Variants in CEP295 observed in about 807,000 individuals in gnomAD.
The protein encoded by CEP295 is centrosomal protein of 295 kDa.
CEP295 carries 190 observed loss-of-function variants against 291.6 expected under a neutral mutation model. The observed-to-expected ratio is 0.65, with a 90% CI of 0.58 to 0.73. CEP295 has a LOEUF of 0.73. CEP295 is among the 30% of genes least tolerant of loss of function. The probability of loss-of-function intolerance (pLI) is 0.00; values close to 1 mark genes in which losing one functional copy is unlikely to be tolerated. For missense variants in CEP295, 2,863 were observed against 2,949.4 expected (o/e 0.97, Z 0.68); for synonymous variants, 993 against 1,038.8 (o/e 0.96, Z 0.85).
intron 1 of CEP295, among the ~76,000 whole-genome samples, chr11:93,662,044 C>T (rs1331874889): frequency 6.6e-6 from 1 of 152,208 alleles, no homozygotes; most frequent in East Asian, 1.9e-4. Context: ...GAGCTTCCCA[C>T]GCAGCCTCCC....
At chr11:93,662,760 A>G (rs1950045110) in intron 1 of CEP295, among the ~76,000 whole-genome samples, 1 of 152,232 alleles carries the variant, frequency 6.6e-6, no homozygotes, top group African/African-American at 2.4e-5. Flanking sequence ...GGGCAAAAGT[A>G]TGATGAAAAG....
chr11:93,686,319 T>TAAA (rs57239341), intron 9 of CEP295, among the ~76,000 whole-genome samples: 1 of 146,414 alleles, frequency 6.8e-6, no homozygotes. Context: ...AACTCCATCT[T>TAAA]AAAAAAAAAA....
chr11:93,729,407 T>C, intron 25 of CEP295, 27 bp from the exon 26 acceptor site: 1 of 1,477,946 alleles, frequency 6.8e-7, no homozygotes, highest in Non-Finnish European at 9.3e-7. Context: ...TTAAAAAGAG[T>C]AAAACATGCA....
chr11:93,723,343 C>G, intron 21 of CEP295, 54 bp downstream of exon 21: 1 of 1,285,444 alleles, frequency 7.8e-7, no homozygotes. Flanking sequence ...AAATTTTCAC[C>G]TTTCATCATT....
chr11:93,675,671 T>C lies in CEP295; in HGVS notation c.624+5T>C, dbSNP rs1466040856. The C allele has an allele frequency of 4.5e-6, 6 of 1,331,500 alleles. No individual in the cohort carries two copies. In the East Asian group the frequency reaches 1.4e-4, roughly 30 times the overall value. The allele number at this position is 1,331,500 out of a possible 1,614,324, so 82.5% of individuals were successfully genotyped here. ...AGAGAGACAGACACAAAACGGGTGA[T>C]TGACTTATTGTTTCTTCATGCCCTC... On this transcript the variant is annotated splice_donor_5th_base_variant and intron_variant, in intron 6 of 29. Coordinates refer to ENST00000325212, the MANE Select transcript of CEP295 (RefSeq NM_033395.2).
chr11:93,681,635 C>T (rs988683939), intron 7 of CEP295, among the ~76,000 whole-genome samples: 2 of 151,380 alleles, frequency 1.3e-5, no homozygotes, highest in African/African-American at 4.9e-5. Flanking sequence ...AGGATAGTCT[C>T]GATCTCCTGA....
At chr11:93,704,853 C>T (rs1485471254) in intron 17 of CEP295, among the ~76,000 whole-genome samples, 1 of 152,092 alleles carries the variant, frequency 6.6e-6, no homozygotes, top group Non-Finnish European at 1.5e-5. Context: ...CCTTTAATAC[C>T]ACTCACTAGA....
At chr11:93,714,905 C>A (rs940328397) in intron 18 of CEP295, among the ~76,000 whole-genome samples, 32 of 152,178 alleles carry the variant, frequency 2.1e-4, no homozygotes, top group African/African-American at 7.5e-4. Context: ...GACACAAGCA[C>A]CCCTGTGGCC....
intron 6 of CEP295, 46 bp downstream of exon 6, chr11:93,675,712 T>C (rs1950654887): frequency 1.0e-6 from 1 of 989,526 alleles, no homozygotes; most frequent in East Asian, 2.9e-5. Flanking sequence ...ATTATTTCTG[T>C]GTGCATTGAA....
chr11:93,705,188 A>G (rs998722941), intron 17 of CEP295, among the ~76,000 whole-genome samples: 2 of 152,132 alleles, frequency 1.3e-5, no homozygotes, highest in Admixed American at 1.3e-4. Context: ...TGGAAGTTGT[A>G]TGGGCCGTGC....
At chr11:93,694,522 A>C (rs1462295259) in intron 12 of CEP295, among the ~76,000 whole-genome samples, 1 of 152,200 alleles carries the variant, frequency 6.6e-6, no homozygotes, top group African/African-American at 2.4e-5. Flanking sequence ...TGACATATCA[A>C]AATTGCCAGC....
Position 93,702,471 on chromosome 11 carries a change from C to G in CEP295, c.5286C>G (p.Pro1762=). 1.3e-6 allele frequency: 2 copies of G among 1,532,484 alleles called. No homozygotes were observed. Among genetic ancestry groups the G allele is most frequent in the South Asian group, 1.3e-5 (1 of 79,818 alleles). The allele number at this position is 1,532,484 out of a possible 1,614,324, so 94.9% of individuals were successfully genotyped here. The change falls in exon 16 of 30, where the codon CCC becomes CCG. Residue 1762 remains proline, a synonymous_variant. Transcript: ENST00000325212. Reference sequence around the variant, plus strand: ...CTCCACTTTTTCAGATAAGTAAGCCCACAGTTGAAAATGATTTAAAAACCC... The same window carrying G: ...CTCCACTTTTTCAGATAAGTAAGCCGACAGTTGAAAATGATTTAAAAACCC... ...DFFKDSQISK[P]TVENDLKTQK...
chr11:93,707,964 C>A (rs1952630067), intron 18 of CEP295, among the ~76,000 whole-genome samples: 1 of 152,022 alleles, frequency 6.6e-6, no homozygotes, highest in Admixed American at 6.6e-5. Context: ...ATTAAAATAA[C>A]TGTAAAGGAT....
intron 22 of CEP295, 86 bp from the exon 23 acceptor site, chr11:93,725,565 A>G (rs1056347244): frequency 1.9e-6 from 2 of 1,073,454 alleles, no homozygotes; most frequent in Non-Finnish European, 1.3e-6. Flanking sequence ...ATTAAGGAAG[A>G]GTAATACCAA....
Position 93,699,508 on chromosome 11 carries a change from A to G in CEP295, c.4596A>G (p.Gln1532=). 1 of 1,551,810 alleles carries G rather than the reference A, an allele frequency of 6.4e-7. No homozygotes were observed. Among genetic ancestry groups the G allele is most frequent in the South Asian group, 1.2e-5 (1 of 84,052 alleles). Residue 1532 remains glutamine (Q), a synonymous_variant, in exon 15 of 30, where the codon CAA becomes CAG. Coordinates refer to ENST00000325212, the MANE Select transcript of CEP295 (RefSeq NM_033395.2). ...AAGTCCAAGAAGAATTGCTTTTGCA[A>G]AGATTAAGTGAATTGGAGAAAAGGG... The part of the protein sequence containing the change: ...IQEVQEELLL[Q]RLSELEKRVS...
chr11:93,722,782 G>T, intron 20 of CEP295: 1 of 302,862 alleles, frequency 3.3e-6, no homozygotes. Context: ...CTTTTGAGAT[G>T]GAGTCTTGCT....
Position 93,696,415 on chromosome 11 carries a change from C to T in CEP295, c.1767C>T (p.Asn589=), listed in dbSNP as rs769342554. The part of the protein sequence containing the change: ...RNYQHQLLQQ[N]RLHRQSVETA... ...ATCAACATCAGCTTTTACAACAAAA[C>T]AGGTATTAGCTAGGGTATAATTTAT... is the stretch of plus-strand genomic sequence containing the variant. The change falls in exon 14 of 30, where the codon AAC becomes AAT. Residue 589 remains asparagine (N), a splice_region_variant and synonymous_variant. Transcript: ENST00000325212. 14 of 1,507,888 alleles carry T rather than the reference C, an allele frequency of 9.3e-6. No individual in the cohort carries two copies. The African/African-American group carries it at 1.5e-4, about 16-fold the overall frequency. The allele number at this position is 1,507,888 out of a possible 1,614,324, so 93.4% of individuals were successfully genotyped here.
chr11:93,669,737 A>G lies in CEP295; in HGVS notation c.495A>G (p.Thr165=). 6.4e-7 allele frequency: 1 copy of G among 1,550,768 alleles called. No individual in the cohort carries two copies. Among genetic ancestry groups the G allele is most frequent in the South Asian group, 1.2e-5 (1 of 83,998 alleles). ...AAAAAGAGAGATCAGCCAAAATTAC[A>G]AGTCTGCCACCTCCTCCTCCAACTC... ...LVEKERSAKI[T]SLPPPPPTLF... Residue 165 remains threonine, a synonymous_variant, in exon 5 of 30, where the codon ACA becomes ACG. Transcript: ENST00000325212.
At chr11:93,702,428 G>T in intron 15 of CEP295, 32 bp from the exon 16 acceptor site, 1 of 1,450,228 alleles carries the variant, frequency 6.9e-7, no homozygotes, top group Non-Finnish European at 9.2e-7. Context: ...CCCCCAACTT[G>T]TGCTTCCCCA....
Sources: gnomAD v4.1 joint callset for allele counts (sites outside exome capture counted in the v4.1 genomes callset) on GRCh38, gnomAD v4.1.1 for gene constraint, MANE v1.5 for transcripts, NCBI Gene and HGNC (gene_info 2026-07-23, HGNC 2026-07-21) for gene names.